TCF4: variants seen among roughly 807,000 people sequenced by gnomAD.
TCF4 encodes the protein SL3-3 enhancer factor 2.
A neutral mutation model predicts 82.1 loss-of-function variants in TCF4; 3 were observed. The observed-to-expected ratio is 0.04, with a 90% CI of 0.02 to 0.09. The LOEUF is 0.09. Ranked by LOEUF, TCF4 falls within the 10% of genes least tolerant of loss-of-function variation. TCF4 has a pLI of 1.00. For missense variants in TCF4, 518 were observed against 852.7 expected (o/e 0.61, Z 4.89); for synonymous variants, 276 against 309.6 (o/e 0.89, Z 1.14).
At chr18:55,255,546 T>C (rs2056594491) in intron 14 of TCF4, among the ~76,000 whole-genome samples, 1 of 152,194 alleles carries the variant, frequency 6.6e-6, no homozygotes, top group African/African-American at 2.4e-5. Context: ...AGAAAATGTA[T>C]GTATTCATTT....
At chr18:55,475,531 A>G (rs2096272784) in intron 3 of TCF4, among the ~76,000 whole-genome samples, 1 of 152,246 alleles carries the variant, frequency 6.6e-6, no homozygotes, top group African/African-American at 2.4e-5. Context: ...AAGATTCGTT[A>G]AGAACATTCA....
chr18:55,425,660 A>G (rs2094948615), intron 5 of TCF4, among the ~76,000 whole-genome samples: 1 of 152,244 alleles, frequency 6.6e-6, no homozygotes, highest in Non-Finnish European at 1.5e-5. Context: ...AGCTCAATAG[A>G]AATTGCAGTA....
At chr18:55,302,513 A>T (rs566286678) in intron 8 of TCF4, 1 of 1,536,076 alleles carries the variant, frequency 6.5e-7, no homozygotes, top group South Asian at 1.2e-5. Flanking sequence ...GATTGGTCAG[A>T]CATGGCTGAC....
At chr18:55,508,044 C>T (rs981526584) in intron 3 of TCF4, among the ~76,000 whole-genome samples, 4 of 152,066 alleles carry the variant, frequency 2.6e-5, no homozygotes, top group African/African-American at 7.2e-5. Context: ...AGAACCAGTG[C>T]GGGACAGGGA....
intron 3 of TCF4, among the ~76,000 whole-genome samples, chr18:55,514,696 G>C (rs2096863831): frequency 6.6e-6 from 1 of 151,920 alleles, no homozygotes. Flanking sequence ...ATTTTTTTTG[G>C]ACAGAAGCTT....
At chr18:55,377,422 G>A (rs555924525) in intron 6 of TCF4, among the ~76,000 whole-genome samples, 7 of 152,014 alleles carry the variant, frequency 4.6e-5, no homozygotes, top group Admixed American at 2.0e-4. Context: ...TAATGGACAC[G>A]TTTTTCTTGG....
chr18:55,394,574 C>A (rs1428146833), intron 6 of TCF4, among the ~76,000 whole-genome samples: 1 of 152,064 alleles, frequency 6.6e-6, no homozygotes, highest in African/African-American at 2.4e-5. Flanking sequence ...GGGCGAAAGT[C>A]GCTCTCCCGC....
chr18:55,454,305 G>A (rs558592872), intron 5 of TCF4, among the ~76,000 whole-genome samples: 1 of 152,100 alleles, frequency 6.6e-6, no homozygotes, highest in African/African-American at 2.4e-5. Flanking sequence ...TAGTCCTATA[G>A]AACAAAATGT....
intron 8 of TCF4, among the ~76,000 whole-genome samples, chr18:55,340,710 C>T (rs2079754880): frequency 1.3e-5 from 2 of 152,012 alleles, no homozygotes; most frequent in African/African-American, 2.4e-5. Context: ...CTAACTACTC[C>T]TAAGTAGGCT....
chr18:55,445,036 C>T (rs971118527), intron 5 of TCF4, among the ~76,000 whole-genome samples: 1 of 152,196 alleles, frequency 6.6e-6, no homozygotes, highest in Non-Finnish European at 1.5e-5. Flanking sequence ...CTCATCATTT[C>T]CTCTTGGAAT....
chr18:55,522,268 A>G (rs1192749436), intron 3 of TCF4, among the ~76,000 whole-genome samples: 1 of 152,216 alleles, frequency 6.6e-6, no homozygotes, highest in Non-Finnish European at 1.5e-5. Flanking sequence ...AGTTAGCCTC[A>G]ACATCACAGA....
At chr18:55,599,771 G>C (rs2097694870) in intron 2 of TCF4, among the ~76,000 whole-genome samples, 1 of 152,122 alleles carries the variant, frequency 6.6e-6, no homozygotes, top group Non-Finnish European at 1.5e-5. Context: ...GTGAAAAACT[G>C]TACAGCTCGA....
At chr18:55,375,299 C>T (rs1184435051) in intron 6 of TCF4, among the ~76,000 whole-genome samples, 1 of 151,970 alleles carries the variant, frequency 6.6e-6, no homozygotes, top group Non-Finnish European at 1.5e-5. Context: ...AAAGTTTATA[C>T]ACACACATGC....
chr18:55,272,147 A>G (rs1308220289), intron 10 of TCF4, among the ~76,000 whole-genome samples: 3 of 152,146 alleles, frequency 2.0e-5, no homozygotes, highest in African/African-American at 7.2e-5. Context: ...CTGAGTTCAC[A>G]GAATAAAAAG....
intron 6 of TCF4, among the ~76,000 whole-genome samples, chr18:55,357,159 T>C (rs1464256193): frequency 6.6e-6 from 1 of 152,154 alleles, no homozygotes; most frequent in Non-Finnish European, 1.5e-5. Flanking sequence ...TTGTATACAC[T>C]AAAGCGAGGA....
chr18:55,455,179 CAAAAAAAAAAAAAA>C (rs35889370), intron 5 of TCF4, among the ~76,000 whole-genome samples: 52 of 67,474 alleles, frequency 7.7e-4, no homozygotes, highest in Non-Finnish European at 5.5e-4. Context: ...GACTCTGTCT[CAAAAAAAAAAAAAA>C]AAAAAAAAAA....
chr18:55,561,679 G>A (rs1332794341), intron 3 of TCF4, among the ~76,000 whole-genome samples: 1 of 151,934 alleles, frequency 6.6e-6, no homozygotes, highest in Non-Finnish European at 1.5e-5. Context: ...TCTACTTTTA[G>A]TTTGTGTTTT....
At position 55,486,786 on chromosome 18, in the gene TCF4, C is replaced by A. The variant is rs183013505; in HGVS notation, c.146-22649G>T. ...TTATTTCACTGAAGAGTGAGTCTAACAAAGTCATGAAAGGTAAGAAGATCT... is the reference window on the plus strand; with the variant it reads ...TTATTTCACTGAAGAGTGAGTCTAAAAAAGTCATGAAAGGTAAGAAGATCT... On this transcript the variant is annotated intron_variant, in intron 3 of 19. Coordinates refer to ENST00000354452, the MANE Select transcript of TCF4 (RefSeq NM_001083962.2). 1.5e-4 allele frequency among the ~76,000 whole-genome samples: 23 copies of A among 152,232 alleles called. No individual in the cohort carries two copies. The East Asian group carries it at 4.4e-3, about 29-fold the overall frequency.
At chr18:55,270,244 T>C (rs1477355333) in intron 10 of TCF4, among the ~76,000 whole-genome samples, 1 of 152,110 alleles carries the variant, frequency 6.6e-6, no homozygotes, top group African/African-American at 2.4e-5. Context: ...GATTACTGCT[T>C]AAAATCATCT....
Sources: gnomAD v4.1 joint callset for allele counts (sites outside exome capture counted in the v4.1 genomes callset) on GRCh38, gnomAD v4.1.1 for gene constraint, MANE v1.5 for transcripts, NCBI Gene and HGNC (gene_info 2026-07-23, HGNC 2026-07-21) for gene names.